The following HSD17B3 variants were observed in gnomAD, a reference collection of about 807,000 sequenced individuals.
HSD17B3 encodes the protein hydroxysteroid 17-beta dehydrogenase 3, also known as 17-beta-hydroxysteroid dehydrogenase type 3.
In HSD17B3, 29 loss-of-function variants were observed where a neutral mutation model predicts 41.1. That is an observed-to-expected ratio of 0.71 (90% CI 0.53 to 0.96). The LOEUF (loss-of-function observed/expected upper bound fraction) is 0.96. Ranked by LOEUF, HSD17B3 falls within the 40% of genes least tolerant of loss-of-function variation. The probability of loss-of-function intolerance (pLI) is 0.00; values close to 1 mark genes in which losing one functional copy is unlikely to be tolerated. For synonymous variants in HSD17B3, 126 were observed against 145.6 expected (o/e 0.87, Z 0.97); for missense variants, 323 against 374.6 (o/e 0.86, Z 1.14).
chr9:96,267,919 G>A (rs895554154), intron 2 of HSD17B3, among the ~76,000 whole-genome samples: 10 of 151,688 alleles, frequency 6.6e-5, no homozygotes, highest in African/African-American at 2.2e-4. Context: ...ATCTCTGCTC[G>A]TTTTCTTTTT....
intron 2 of HSD17B3, among the ~76,000 whole-genome samples, chr9:96,271,888 A>G (rs1826256258): frequency 6.6e-6 from 1 of 152,102 alleles, no homozygotes; most frequent in African/African-American, 2.4e-5. Flanking sequence ...AGCACTGGTT[A>G]CCTTTACAGA....
chr9:96,235,396 TG>T lies in HSD17B3; in HGVS notation c.*63del. 3 of 1,119,560 alleles carry T rather than the reference TG, an allele frequency of 2.7e-6. No individual in the cohort carries two copies. Among genetic ancestry groups the T allele is most frequent in the Non-Finnish European group, 4.0e-6 (3 of 745,440 alleles). The allele number at this position is 1,119,560 out of a possible 1,614,324, so 69.4% of individuals were successfully genotyped here. On this transcript the variant is annotated 3_prime_UTR_variant, in exon 11 of 11. Transcript: ENST00000375263. Reference sequence around the variant, plus strand: ...AGGTTGAAGTGCTGGTCTGCTCCTCTGGTCCTCTTCAGCCAGCATGGGACTG... The same window carrying T: ...AGGTTGAAGTGCTGGTCTGCTCCTCTGTCCTCTTCAGCCAGCATGGGACTG...
rs1334033113 is a variant in HSD17B3, at chr9:96,235,541, C to T, written c.852G>A (p.Trp284Ter). 1 of 1,614,094 alleles carries T rather than the reference C, an allele frequency of 6.2e-7. No individual in the cohort carries two copies. Among genetic ancestry groups the T allele is most frequent in the East Asian group, 2.2e-5 (1 of 44,884 alleles). Residue 284 changes from tryptophan (W) to a stop codon, truncating the protein, a stop_gained, in exon 11 of 11, where the codon TGG (tryptophan) becomes TGA (stop). Transcript: ENST00000375263. LOFTEE classifies it low-confidence loss of function (END_TRUNC). ...TTTGGAAGGCACCGCTGTAGAAGGC[C>T]CAGGCCGGGATCAGGCTCAGAAAGC... ...LAGFLSLIPAWAFYSGAFQRL... is the reference protein window; with the variant it reads ...LAGFLSLIPA
chr9:96,278,190 T>C (rs373306326), intron 2 of HSD17B3, among the ~76,000 whole-genome samples: 3 of 152,186 alleles, frequency 2.0e-5, no homozygotes, highest in East Asian at 1.9e-4. Flanking sequence ...ATAGTTAACA[T>C]AGAACATAAT....
intron 6 of HSD17B3, among the ~76,000 whole-genome samples, chr9:96,246,820 A>T (rs1836684929): frequency 6.6e-6 from 1 of 152,084 alleles, no homozygotes. Context: ...GGGGCCTCTG[A>T]TTTCTTCCCC....
rs1353300988 is a variant in HSD17B3, at chr9:96,241,062, A to T, written c.673-155T>A. Among the ~76,000 whole-genome samples the T allele has an allele frequency of 2.6e-5, 4 of 152,170 alleles. No homozygotes were observed. The East Asian group carries it at 7.7e-4, about 29-fold the overall frequency. On this transcript the variant is annotated intron_variant, in intron 9 of 10. Transcript: ENST00000375263. ...GAGTGGAAAAAGGCACAGTACCGGC[A>T]CAGAGCTGGGAATCAGAAATTTGGT... is the stretch of plus-strand genomic sequence containing the variant.
At chr9:96,283,021 T>G (rs796078269) in intron 2 of HSD17B3, among the ~76,000 whole-genome samples, 1 of 120,206 alleles carries the variant, frequency 8.3e-6, no homozygotes, top group Non-Finnish European at 1.7e-5. Flanking sequence ...TTTTTTTTTT[T>G]AGAGATGGAG....
chr9:96,263,284 T>C (rs1825928140), intron 2 of HSD17B3, among the ~76,000 whole-genome samples: 1 of 152,148 alleles, frequency 6.6e-6, no homozygotes, highest in African/African-American at 2.4e-5. Flanking sequence ...AAGCCTCACC[T>C]TAGTCCTGGC....
intron 3 of HSD17B3, among the ~76,000 whole-genome samples, chr9:96,253,310 A>C (rs1482785320): frequency 2.6e-5 from 4 of 151,966 alleles, no homozygotes; most frequent in African/African-American, 7.3e-5. Context: ...CCTCCGAGGG[A>C]CTCTGCTGCT....
Position 96,301,972 on chromosome 9 carries a change from G to A in HSD17B3, c.133C>T (p.Arg45Trp), listed in dbSNP as rs139084702. The change falls in exon 1 of 11, where the codon CGG (arginine) becomes TGG (tryptophan). Residue 45 changes from arginine (R) to tryptophan (W), a missense_variant. Physicochemically the swap from Arg to Trp is moderately radical, Grantham distance 101. Coordinates refer to ENST00000375263, the MANE Select transcript of HSD17B3 (RefSeq NM_000197.2). ...TTACCTGCCCACTGTCCCATTGACC[G>A]CAAGAAAGACTTTGGCAAAACTTTC... ...YWKVLPKSFL[R>W]SMGQWAVITG... The A allele has an allele frequency of 3.3e-3, 5,395 of 1,613,978 alleles. 15 individuals carry two copies. Among genetic ancestry groups the A allele is most frequent in the Non-Finnish European group, 4.3e-3 (5,073 of 1,179,952 alleles).
At chr9:96,264,014 G>C (rs1289506743) in intron 2 of HSD17B3, among the ~76,000 whole-genome samples, 1 of 152,074 alleles carries the variant, frequency 6.6e-6, no homozygotes, top group East Asian at 1.9e-4. Flanking sequence ...CAAAAAATAA[G>C]TATGTGAAGT....
intron 2 of HSD17B3, among the ~76,000 whole-genome samples, chr9:96,260,521 C>T (rs564382517): frequency 2.6e-5 from 4 of 152,190 alleles, no homozygotes; most frequent in East Asian, 1.9e-4. Flanking sequence ...TATAATAACC[C>T]GTTCCCAAAA....
At chr9:96,287,572 T>C (rs1413881101) in intron 2 of HSD17B3, among the ~76,000 whole-genome samples, 1 of 152,084 alleles carries the variant, frequency 6.6e-6, no homozygotes, top group Non-Finnish European at 1.5e-5. Flanking sequence ...TAGCCAGGCA[T>C]GGTGGCACAC....
Position 96,302,171 on chromosome 9 carries a change from T to C in HSD17B3, c.-67A>G, listed in dbSNP as rs1827640118. 1 of 1,528,700 alleles carries C rather than the reference T, an allele frequency of 6.5e-7. No homozygotes were observed. Among genetic ancestry groups the C allele is most frequent in the African/African-American group, 1.4e-5 (1 of 72,806 alleles). The allele number at this position is 1,528,700 out of a possible 1,614,324, so 94.7% of individuals were successfully genotyped here. A position where few individuals can be genotyped will look rare whatever the true frequency, so the allele number is the denominator to read the frequency against. ...CTGTGTATGCCTCCTGGGACCACGC[T>C]GCTCTGGAGACCTCCAGATCTTCTT... is the stretch of plus-strand genomic sequence containing the variant. On this transcript the variant is annotated 5_prime_UTR_variant, in exon 1 of 11. Transcript: ENST00000375263.
intron 2 of HSD17B3, among the ~76,000 whole-genome samples, chr9:96,275,874 A>C (rs1826429861): frequency 6.6e-6 from 1 of 152,146 alleles, no homozygotes; most frequent in Admixed American, 6.5e-5. Context: ...CATTTACAAA[A>C]TGACAATAGT....
chr9:96,270,773 C>T (rs1280284030), intron 2 of HSD17B3, among the ~76,000 whole-genome samples: 2 of 152,226 alleles, frequency 1.3e-5, no homozygotes, highest in Non-Finnish European at 2.9e-5. Flanking sequence ...GGAGATGGCA[C>T]TAGAATGGCC....
chr9:96,246,461 C>G (rs2130716728), intron 7 of HSD17B3, 95 bp downstream of exon 7: 1 of 1,084,716 alleles, frequency 9.2e-7, no homozygotes, highest in South Asian at 1.3e-5. Context: ...TGTTAAAGCA[C>G]AGCCAGATGG....
intron 1 of HSD17B3, 121 bp downstream of exon 1, chr9:96,301,830 A>G (rs8190485): frequency 0.013 from 14,442 of 1,080,336 alleles, 326 homozygotes; most frequent in South Asian, 0.063. Context: ...GCAGTGAGCC[A>G]AGATCGCGCC....
chr9:96,251,584 C>T (rs1358635513), intron 4 of HSD17B3, 99 bp from the exon 5 acceptor site: 12 of 1,105,732 alleles, frequency 1.1e-5, no homozygotes, highest in Admixed American at 3.8e-5. Flanking sequence ...GGTTGTTCAT[C>T]GCAGCATGAT....
Sources: allele counts gnomAD v4.1 joint callset (sites outside exome capture counted in the v4.1 genomes callset), GRCh38; gene constraint gnomAD v4.1.1; transcripts MANE v1.5; gene names NCBI Gene and HGNC (gene_info 2026-07-23, HGNC 2026-07-21).